CSMD3: variants seen among roughly 807,000 people sequenced by gnomAD.
CSMD3 encodes CUB and sushi domain-containing protein 3.
Under a neutral mutation model 435.2 loss-of-function variants are expected in CSMD3, and 177 were observed. That is an observed-to-expected ratio of 0.41 (90% CI 0.36 to 0.46). The LOEUF (loss-of-function observed/expected upper bound fraction) is 0.46. Among genes scored for constraint, CSMD3 ranks in the 20% least tolerant of loss-of-function variants. The pLI, the probability that CSMD3 is intolerant of heterozygous loss-of-function variation, is 0.34. For synonymous variants in CSMD3, 1,656 were observed against 1,520.5 expected (o/e 1.09, Z -2.07); for missense variants, 4,265 against 4,504.6 (o/e 0.95, Z 1.52).
At chr8:112,950,846 T>C (rs1436629740) in intron 8 of CSMD3, among the ~76,000 whole-genome samples, 4 of 151,908 alleles carry the variant, frequency 2.6e-5, no homozygotes, top group Non-Finnish European at 5.9e-5. Flanking sequence ...TTAACTACAA[T>C]TCAAAACACT....
intron 6 of CSMD3, among the ~76,000 whole-genome samples, chr8:113,011,408 G>C (rs1247899631): frequency 6.6e-6 from 1 of 151,790 alleles, no homozygotes; most frequent in Non-Finnish European, 1.5e-5. Context: ...ACCAGGGTAT[G>C]TTTCACAGCA....
chr8:112,998,740 C>T (rs919594438), intron 6 of CSMD3, among the ~76,000 whole-genome samples: 3 of 151,886 alleles, frequency 2.0e-5, no homozygotes, highest in African/African-American at 7.3e-5. Flanking sequence ...GAGGTGGGGC[C>T]TGGTGGGACG....
intron 13 of CSMD3, among the ~76,000 whole-genome samples, chr8:112,706,772 C>T (rs900873536): frequency 6.6e-6 from 1 of 152,024 alleles, no homozygotes; most frequent in Non-Finnish European, 1.5e-5. Flanking sequence ...GCAACTGTCA[C>T]ACTATTATCA....
intron 35 of CSMD3, among the ~76,000 whole-genome samples, chr8:112,394,643 A>G (rs1404269146): frequency 1.3e-5 from 2 of 152,088 alleles, no homozygotes; most frequent in Non-Finnish European, 1.5e-5. Context: ...ACTTTTATTC[A>G]TCCCTCCCTC....
chr8:112,335,443 C>T lies in CSMD3; in HGVS notation c.7051G>A (p.Gly2351Ser), dbSNP rs1039206813. ...AAAGCGGTATTGCCACTGAACTGACCGATCTGAGGTGAATTTTGGTCTGGT... is the reference window on the plus strand; with the variant it reads ...AAAGCGGTATTGCCACTGAACTGACTGATCTGAGGTGAATTTTGGTCTGGT... ...DGPDQNSPQI[G>S]QFSGNTALES... The change falls in exon 45 of 71, where the codon GGT (glycine) becomes AGT (serine). Residue 2351 changes from glycine to serine, a missense_variant. Physicochemically the swap from Gly to Ser is moderately conservative, Grantham distance 56. Transcript: ENST00000297405. The T allele has an allele frequency of 2.4e-5, 39 of 1,613,754 alleles. No individual in the cohort carries two copies. The highest frequency in any genetic ancestry group is 3.0e-5 in the Non-Finnish European group (35 of 1,179,930).
chr8:113,334,297 A>ATTTTTTTTTTT (rs2094052880), intron 1 of CSMD3, among the ~76,000 whole-genome samples: 1 of 126,280 alleles, frequency 7.9e-6, no homozygotes. Context: ...TTTTTTTTTC[A>ATTTTTTTTTTT]TTTCCAGCCT....
chr8:113,058,743 G>A (rs960368230), intron 5 of CSMD3, among the ~76,000 whole-genome samples: 1 of 151,802 alleles, frequency 6.6e-6, no homozygotes, highest in African/African-American at 2.4e-5. Flanking sequence ...CTTCCCTAGC[G>A]ATACCTGTAA....
At chr8:113,077,996 A>G (rs1481534005) in intron 5 of CSMD3, among the ~76,000 whole-genome samples, 5 of 152,234 alleles carry the variant, frequency 3.3e-5, no homozygotes, top group African/African-American at 1.2e-4. Context: ...ACATTTCTTT[A>G]CTTATCAATA....
At chr8:113,061,850 C>T (rs2131367961) in intron 5 of CSMD3, among the ~76,000 whole-genome samples, 1 of 151,148 alleles carries the variant, frequency 6.6e-6, no homozygotes, top group East Asian at 2.0e-4. Flanking sequence ...GATGCATAGC[C>T]CATTCACTAA....
At chr8:113,432,911 A>G (rs939803795) in intron 1 of CSMD3, among the ~76,000 whole-genome samples, 13 of 152,106 alleles carry the variant, frequency 8.5e-5, no homozygotes, top group African/African-American at 3.1e-4. Context: ...CTCCGTGTCA[A>G]TTCATGTGTC....
chr8:112,570,162 T>G (rs1343267233), intron 24 of CSMD3, among the ~76,000 whole-genome samples: 1 of 151,914 alleles, frequency 6.6e-6, no homozygotes, highest in South Asian at 2.1e-4. Context: ...AAGAATTTTG[T>G]GAATATTTAA....
rs187738623 is a variant in CSMD3, at chr8:112,309,692, T to C, written c.7885+1286A>G. On this transcript the variant is annotated intron_variant, in intron 50 of 70. Transcript: ENST00000297405. The stretch of plus-strand genomic sequence containing the variant: ...GCTTCCCAGAATCCTAATAAGTGAT[T>C]AATGTTTCCTTGCATCAATACAACA... Among the ~76,000 whole-genome samples the C allele has an allele frequency of 2.1e-3, 313 of 152,222 alleles. 1 individual carries two copies. Among genetic ancestry groups the C allele is most frequent in the African/African-American group, 7.0e-3 (289 of 41,572 alleles).
At chr8:112,710,220 T>C (rs1289996347) in intron 13 of CSMD3, among the ~76,000 whole-genome samples, 1 of 152,088 alleles carries the variant, frequency 6.6e-6, no homozygotes, top group Non-Finnish European at 1.5e-5. Flanking sequence ...CAATTATAGG[T>C]GAATTTAAGA....
chr8:112,442,643 A>G (rs1354430111), intron 32 of CSMD3, among the ~76,000 whole-genome samples: 1 of 152,136 alleles, frequency 6.6e-6, no homozygotes, highest in Admixed American at 6.6e-5. Flanking sequence ...AGTAGGGCAA[A>G]TGATCATCCA....
intron 10 of CSMD3, among the ~76,000 whole-genome samples, chr8:112,870,620 T>G (rs533762166): frequency 6.6e-6 from 1 of 152,150 alleles, no homozygotes; most frequent in Admixed American, 6.5e-5. Context: ...GATAAAAAAT[T>G]TCACCAAACA....
intron 3 of CSMD3, among the ~76,000 whole-genome samples, chr8:113,267,707 C>T (rs1450865460): frequency 6.6e-6 from 1 of 151,526 alleles, no homozygotes; most frequent in Non-Finnish European, 1.5e-5. Context: ...ATATAGTTAA[C>T]AAAGTTGTAT....
chr8:112,525,670 A>G (rs977503750), intron 27 of CSMD3, among the ~76,000 whole-genome samples: 4 of 148,278 alleles, frequency 2.7e-5, no homozygotes, highest in Non-Finnish European at 3.0e-5. Context: ...GCCTGGAGCC[A>G]AGATCTCGCC....
chr8:113,279,070 A>G (rs1198389118), intron 2 of CSMD3, among the ~76,000 whole-genome samples: 1 of 151,522 alleles, frequency 6.6e-6, no homozygotes, highest in Non-Finnish European at 1.5e-5. Flanking sequence ...AAACCTAGTG[A>G]CTAAGTTACC....
At chr8:112,529,069 CA>C (rs919096891) in intron 27 of CSMD3, among the ~76,000 whole-genome samples, 2 of 152,070 alleles carry the variant, frequency 1.3e-5, no homozygotes, top group South Asian at 2.1e-4. Context: ...ACAGCAACCA[CA>C]AAAAAACAAC....
Sources: allele counts gnomAD v4.1 joint callset (sites outside exome capture counted in the v4.1 genomes callset), GRCh38; gene constraint gnomAD v4.1.1; transcripts MANE v1.5; gene names NCBI Gene and HGNC (gene_info 2026-07-23, HGNC 2026-07-21).